Variants in RBMS1 observed in about 807,000 individuals in gnomAD.
The protein encoded by RBMS1 is RNA-binding motif, single-stranded-interacting protein 1.
In RBMS1, 17 loss-of-function variants were observed where a neutral mutation model predicts 62.3. That is an observed-to-expected ratio of 0.27 (90% CI 0.19 to 0.41). The LOEUF is 0.41. RBMS1 is among the 10% of genes least tolerant of loss of function. The pLI is 1.00. For synonymous variants in RBMS1, 172 were observed against 170.0 expected (o/e 1.01, Z -0.09); for missense variants, 334 against 504.5 (o/e 0.66, Z 3.24).
chr2:160,425,147 G>T (rs1300514924), intron 1 of RBMS1, among the ~76,000 whole-genome samples: 2 of 152,184 alleles, frequency 1.3e-5, no homozygotes, highest in African/African-American at 2.4e-5. Flanking sequence ...AGTGTGAAGT[G>T]AGAGCATTTA....
chr2:160,474,127 ATAT>A (rs1183250586), intron 1 of RBMS1, among the ~76,000 whole-genome samples: 4 of 152,202 alleles, frequency 2.6e-5, no homozygotes, highest in African/African-American at 9.6e-5. Context: ...TTGAGTCTGG[ATAT>A]TATTATTCAA....
chr2:160,305,379 T>G (rs1243854253), intron 4 of RBMS1, among the ~76,000 whole-genome samples: 4 of 152,188 alleles, frequency 2.6e-5, no homozygotes, highest in African/African-American at 9.7e-5. Context: ...TATATTTAGA[T>G]ACACAAATAC....
intron 2 of RBMS1, among the ~76,000 whole-genome samples, chr2:160,351,218 C>T (rs1422374435): frequency 6.6e-6 from 1 of 151,646 alleles, no homozygotes; most frequent in East Asian, 1.9e-4. Flanking sequence ...AGGAGATATA[C>T]CTAATGTAAA....
chr2:160,384,620 A>G (rs1210502994), intron 1 of RBMS1, among the ~76,000 whole-genome samples: 1 of 152,190 alleles, frequency 6.6e-6, no homozygotes, highest in Non-Finnish European at 1.5e-5. Flanking sequence ...ACCTTGGGCA[A>G]AGCATTTAAA....
In RBMS1 at chr2:160,399,166, T is replaced by G. The variant is rs569794389; in HGVS notation, c.76-31775A>C. ...CCTTCCATGATGCAACCAATTATCC[T>G]GTCTCCTGAGTTAGAAATTTTGTTC... On this transcript the variant is annotated intron_variant, in intron 1 of 13. Coordinates refer to ENST00000348849, the MANE Select transcript of RBMS1 (RefSeq NM_016836.4). 3.3e-5 allele frequency among the ~76,000 whole-genome samples: 5 copies of G among 152,338 alleles called. No homozygotes were observed. The South Asian group carries it at 8.3e-4, about 25-fold the overall frequency.
chr2:160,425,650 G>A (rs953743196), intron 1 of RBMS1, among the ~76,000 whole-genome samples: 2 of 152,110 alleles, frequency 1.3e-5, no homozygotes, highest in African/African-American at 2.4e-5. Flanking sequence ...CAAAGCAGCC[G>A]GACTCTAACC....
intron 2 of RBMS1, among the ~76,000 whole-genome samples, chr2:160,321,083 C>T (rs10201614): frequency 0.2 from 29,936 of 151,758 alleles, 3,528 homozygotes; most frequent in Admixed American, 0.36. Flanking sequence ...GGTTGGCCTT[C>T]GACACTTCTA....
intron 4 of RBMS1, among the ~76,000 whole-genome samples, chr2:160,311,653 T>C (rs1195212692): frequency 6.7e-6 from 1 of 149,692 alleles, no homozygotes; most frequent in South Asian, 2.1e-4. Context: ...TTAAAAAGAA[T>C]ACTCAAAAGA....
chr2:160,344,449 T>A (rs1692062544), intron 2 of RBMS1, among the ~76,000 whole-genome samples: 2 of 152,198 alleles, frequency 1.3e-5, no homozygotes, highest in Admixed American at 1.3e-4. Flanking sequence ...CCTGCCTTGA[T>A]GAACACTTCA....
chr2:160,460,349 C>T (rs1684407777), intron 1 of RBMS1, among the ~76,000 whole-genome samples: 1 of 152,230 alleles, frequency 6.6e-6, no homozygotes, highest in African/African-American at 2.4e-5. Flanking sequence ...ATCACACACA[C>T]ACCTCAATCC....
At chr2:160,446,785 G>A (rs1168926856) in intron 1 of RBMS1, among the ~76,000 whole-genome samples, 1 of 152,076 alleles carries the variant, frequency 6.6e-6, no homozygotes, top group Non-Finnish European at 1.5e-5. Context: ...TGTCCCCTCC[G>A]GTTGACAGGG....
intron 1 of RBMS1, among the ~76,000 whole-genome samples, chr2:160,386,602 A>G (rs1271015163): frequency 2.0e-5 from 3 of 151,670 alleles, no homozygotes; most frequent in Non-Finnish European, 4.4e-5. Context: ...TGGAGCCCTC[A>G]TGAATAGGAT....
chr2:160,407,532 T>C (rs1459997134), intron 1 of RBMS1: 3 of 986,140 alleles, frequency 3.0e-6, no homozygotes, highest in Admixed American at 6.2e-5. Context: ...GGGAAGATCA[T>C]CGCTGCGGGC....
In RBMS1 at chr2:160,457,014, G is replaced by A. The variant is rs558354393; in HGVS notation, c.75+36275C>T. Among the ~76,000 whole-genome samples the A allele has an allele frequency of 4.6e-5, 7 of 151,974 alleles. No individual in the cohort carries two copies. The South Asian group carries it at 1.5e-3, about 32-fold the overall frequency. ...CAGCTAGCCAGATATGAGGGACTTT[G>A]TATATCTTATTAGAGGCTGAAAAGA... On this transcript the variant is annotated intron_variant, in intron 1 of 13. Transcript: ENST00000348849.
chr2:160,367,141 T>G (rs1429544755), intron 2 of RBMS1, 75 bp downstream of exon 2: 7 of 1,398,406 alleles, frequency 5.0e-6, no homozygotes, highest in Non-Finnish European at 7.0e-6. Flanking sequence ...TCTCTTATAA[T>G]GCAGTATATA....
At chr2:160,311,232 C>CTATCTATCTATCTATCTA (rs1381483574) in intron 4 of RBMS1, among the ~76,000 whole-genome samples, 1 of 79,252 alleles carries the variant, frequency 1.3e-5, no homozygotes. Context: ...ATCTATCTAT[C>CTATCTATCTATCTATCTA]TATATATATA....
At chr2:160,440,087 A>AGGGGAGG (rs1683348093) in intron 1 of RBMS1, among the ~76,000 whole-genome samples, 1 of 64,368 alleles carries the variant, frequency 1.6e-5, no homozygotes, top group Admixed American at 2.2e-4. Flanking sequence ...GAGAGGGGAG[A>AGGGGAGG]GGGGAGAGGG....
intron 1 of RBMS1, among the ~76,000 whole-genome samples, chr2:160,406,446 G>T (rs988112851): frequency 2.0e-5 from 3 of 152,190 alleles, no homozygotes; most frequent in African/African-American, 7.2e-5. Context: ...GCTACAGTTC[G>T]CTTGCATCCT....
At chr2:160,369,431 T>A (rs537790419) in intron 1 of RBMS1, among the ~76,000 whole-genome samples, 1 of 152,336 alleles carries the variant, frequency 6.6e-6, no homozygotes, top group East Asian at 1.9e-4. Flanking sequence ...ATTTTTCACA[T>A]CAGTGAGAAC....
Sources: allele counts gnomAD v4.1 joint callset (sites outside exome capture counted in the v4.1 genomes callset), GRCh38; gene constraint gnomAD v4.1.1; transcripts MANE v1.5; gene names NCBI Gene and HGNC (gene_info 2026-07-23, HGNC 2026-07-21).